Variants in VCAN observed in about 807,000 individuals in gnomAD.
VCAN encodes versican core protein.
VCAN carries 44 observed loss-of-function variants against 245.5 expected under a neutral mutation model. That is an observed-to-expected ratio of 0.18 (90% CI 0.14 to 0.23). The LOEUF (loss-of-function observed/expected upper bound fraction) is 0.23, where lower values mean the gene tolerates loss of function less well. Ranked by LOEUF, VCAN falls within the 10% of genes least tolerant of loss-of-function variation. The pLI is 1.00. For missense variants in VCAN, 3,793 were observed against 4,057.9 expected (o/e 0.93, Z 1.77); for synonymous variants, 1,413 against 1,437.0 (o/e 0.98, Z 0.38).
At chr5:83,504,477 G>C (rs1745424630) in intron 5 of VCAN, among the ~76,000 whole-genome samples, 1 of 151,672 alleles carries the variant, frequency 6.6e-6, no homozygotes, top group Non-Finnish European at 1.5e-5. Flanking sequence ...CTGCCTCCTG[G>C]GTTCAAGCGA....
At chr5:83,543,390 T>C (rs938658360) in intron 8 of VCAN, among the ~76,000 whole-genome samples, 30 of 152,224 alleles carry the variant, frequency 2.0e-4, no homozygotes, top group African/African-American at 7.0e-4. Flanking sequence ...AATATATGTT[T>C]TATTTTAATA....
At chr5:83,508,756 C>CT (rs1745557003) in intron 5 of VCAN, among the ~76,000 whole-genome samples, 1 of 152,104 alleles carries the variant, frequency 6.6e-6, no homozygotes, top group Non-Finnish European at 1.5e-5. Flanking sequence ...TTAAATCTTC[C>CT]TTTTTTTCAT....
At chr5:83,532,260 G>A (rs935227436) in intron 7 of VCAN, among the ~76,000 whole-genome samples, 1 of 152,044 alleles carries the variant, frequency 6.6e-6, no homozygotes, top group Non-Finnish European at 1.5e-5. Context: ...GGTGGTGACA[G>A]GAAATGGGGA....
rs1437055663 is a variant in VCAN, at chr5:83,493,826, G to A, written c.643G>A (p.Val215Ile). The change falls in exon 5 of 15, where the codon GTA becomes ATA. Residue 215 changes from valine (V) to isoleucine (I), a missense_variant. Coordinates refer to ENST00000265077, the MANE Select transcript of VCAN (RefSeq NM_004385.5). Reference sequence around the variant, plus strand: ...CAGATATCCCATCCGGGCTCCCAGAGTAGGCTGTTATGGAGATAAGATGGG... The same window carrying A: ...CAGATATCCCATCCGGGCTCCCAGAATAGGCTGTTATGGAGATAAGATGGG... ...TVRYPIRAPR[V>I]GCYGDKMGKA... 6.2e-7 allele frequency: 1 copy of A among 1,614,148 alleles called. No individual in the cohort carries two copies. Among genetic ancestry groups the A allele is most frequent in the Admixed American group, 1.7e-5 (1 of 60,024 alleles).
chr5:83,550,931 CTTTG>C (rs1181494494), intron 10 of VCAN, among the ~76,000 whole-genome samples: 1 of 110,724 alleles, frequency 9.0e-6, no homozygotes, highest in Non-Finnish European at 1.9e-5. Context: ...GGATAGTTGG[CTTTG>C]TTTTTTTTTT....
intron 12 of VCAN, among the ~76,000 whole-genome samples, chr5:83,559,503 G>C (rs1431966715): frequency 2.0e-5 from 3 of 152,090 alleles, no homozygotes; most frequent in African/African-American, 4.8e-5. Context: ...TCTCACTCCT[G>C]GGCGGCTTTG....
chr5:83,553,188 A>G (rs949310672), intron 10 of VCAN, among the ~76,000 whole-genome samples, 176 bp from the exon 11 acceptor site: 2 of 152,218 alleles, frequency 1.3e-5, no homozygotes, highest in Non-Finnish European at 2.9e-5. Flanking sequence ...CTTGGCACGA[A>G]TCAGTTGGGC....
chr5:83,540,813 G>A lies in VCAN; in HGVS notation c.7810G>A (p.Glu2604Lys), dbSNP rs761781175. The A allele has an allele frequency of 6.2e-7, 1 of 1,613,826 alleles. No homozygotes were observed. Among genetic ancestry groups the A allele is most frequent in the African/African-American group, 1.3e-5 (1 of 74,904 alleles). ...AGATATAGATACAGAGGTACCATCA[G>A]AACCACATGACAGTAATGATGAAAG... ...QTDIDTEVPS[E>K]PHDSNDESND... Residue 2604 changes from glutamate to lysine, a missense_variant, in exon 8 of 15, where the codon GAA (glutamate) becomes AAA (lysine). This residue lies in a region of VCAN where 3,182 missense variants were observed against 3,250.3 expected (regional missense o/e 0.98). Coordinates refer to ENST00000265077, the MANE Select transcript of VCAN (RefSeq NM_004385.5).
chr5:83,529,222 TAGAA>T (rs774089227), intron 7 of VCAN, among the ~76,000 whole-genome samples: 1 of 151,568 alleles, frequency 6.6e-6, no homozygotes, highest in Non-Finnish European at 1.5e-5. Flanking sequence ...GTTATTGTGA[TAGAA>T]AGAGCCTTTG....
At position 83,539,818 on chromosome 5, in the gene VCAN, A is replaced by G; in HGVS notation, c.6815A>G (p.Asn2272Ser). ...VLPTLPTESV[N>S]FTEVEQINNT... ...CCTACTCTACCAACAGAGTCAGTGAATTTTACTGAAGTGGAACAAATCAAT... is the reference window on the plus strand; with the variant it reads ...CCTACTCTACCAACAGAGTCAGTGAGTTTTACTGAAGTGGAACAAATCAAT... Residue 2272 changes from asparagine (N) to serine (S), a missense_variant, in exon 8 of 15, where the codon AAT (asparagine) becomes AGT (serine). Coordinates refer to ENST00000265077, the MANE Select transcript of VCAN (RefSeq NM_004385.5). The G allele has an allele frequency of 6.2e-7, 1 of 1,614,058 alleles. No homozygotes were observed. The highest frequency in any genetic ancestry group is 8.5e-7 in the Non-Finnish European group (1 of 1,180,008).
At chr5:83,504,905 G>A (rs947975660) in intron 5 of VCAN, among the ~76,000 whole-genome samples, 1 of 151,992 alleles carries the variant, frequency 6.6e-6, no homozygotes, top group Non-Finnish European at 1.5e-5. Flanking sequence ...GAGGTGAAGG[G>A]GACTACTTAG....
At chr5:83,542,297 T>C in intron 8 of VCAN, 29 bp downstream of exon 8, 4 of 1,604,106 alleles carry the variant, frequency 2.5e-6, no homozygotes, top group Non-Finnish European at 3.4e-6. Flanking sequence ...TAAATCTGTT[T>C]CCAAACCTGG....
Position 83,540,195 on chromosome 5 carries a change from T to C in VCAN, c.7192T>C (p.Ser2398Pro). 6.2e-7 allele frequency: 1 copy of C among 1,614,028 alleles called. No individual in the cohort carries two copies. The highest frequency in any genetic ancestry group is 8.5e-7 in the Non-Finnish European group (1 of 1,179,982). ...TAEINETTTS[S>P]TDFLARAYGF... ...AGAAATTAACGAAACAACAACCTCA[T>C]CTACTGATTTTCTGGCTAGAGCTTA... Residue 2398 changes from serine to proline, a missense_variant, in exon 8 of 15, where the codon TCT becomes CCT. Coordinates refer to ENST00000265077, the MANE Select transcript of VCAN (RefSeq NM_004385.5).
At chr5:83,498,365 A>G (rs149723117) in intron 5 of VCAN, among the ~76,000 whole-genome samples, 159 of 152,306 alleles carry the variant, frequency 1.0e-3, no homozygotes, top group African/African-American at 3.6e-3. Context: ...TGTATGCCCA[A>G]TATGTCCTTA....
chr5:83,528,021 G>A (rs1049296376), intron 7 of VCAN, among the ~76,000 whole-genome samples: 3 of 152,136 alleles, frequency 2.0e-5, no homozygotes, highest in East Asian at 3.8e-4. Flanking sequence ...AATTACCTTC[G>A]GGTAAAGCTA....
At chr5:83,573,320 C>A (rs1354463363) in intron 13 of VCAN, among the ~76,000 whole-genome samples, 1 of 151,870 alleles carries the variant, frequency 6.6e-6, no homozygotes, top group Non-Finnish European at 1.5e-5. Flanking sequence ...GACCTGGTAC[C>A]ATGTGGCCCA....
In VCAN at chr5:83,539,269, C is replaced by T. The variant is rs1746862451; in HGVS notation, c.6266C>T (p.Pro2089Leu). The part of the protein sequence containing the change: ...KVSGTVSTNF[P>L]QTIEPAKLWS... ...AGTGGCACAGTTTCAACAAACTTTC[C>T]CCAAACTATAGAGCCAGCCAAATTA... is the stretch of plus-strand genomic sequence containing the variant. Residue 2089 changes from proline (P) to leucine (L), a missense_variant, in exon 8 of 15, where the codon CCC (proline) becomes CTC (leucine). Transcript: ENST00000265077. 6.2e-7 allele frequency: 1 copy of T among 1,614,000 alleles called. No individual in the cohort carries two copies. The highest frequency in any genetic ancestry group is 8.5e-7 in the Non-Finnish European group (1 of 1,179,962).
rs531396559 is a variant in VCAN at position 83,474,634 on chromosome 5, C to T, written c.-7+2611C>T. 6.6e-5 allele frequency among the ~76,000 whole-genome samples: 10 copies of T among 152,274 alleles called. No individual in the cohort carries two copies. In the East Asian group the frequency reaches 1.8e-3, roughly 27 times the overall value. ...TCCCAGCCGAGACGGGTGTGACTTC[C>T]TGGGCTCAGAGACTGCAGTACAGCC... On this transcript the variant is annotated intron_variant, in intron 1 of 14. Coordinates refer to ENST00000265077, the MANE Select transcript of VCAN (RefSeq NM_004385.5).
chr5:83,539,741 G>T lies in VCAN; in HGVS notation c.6738G>T (p.Glu2246Asp), dbSNP rs763147372. The T allele has an allele frequency of 6.2e-7, 1 of 1,613,724 alleles. No homozygotes were observed. The highest frequency in any genetic ancestry group is 8.5e-7 in the Non-Finnish European group (1 of 1,179,990). The change falls in exon 8 of 15, where the codon GAG (glutamate) becomes GAT (aspartate). Residue 2246 changes from glutamate (E) to aspartate (D), a missense_variant. Glu to Asp is a conservative substitution (Grantham distance 45, BLOSUM62 2). Transcript: ENST00000265077. ...FPKGMRPTIQ[E>D]SDTELLFSGL... ...AAGGCATGAGACCAACAATTCAAGA[G>T]TCAGATACTGAGCTCTTATTCTCTG... is the stretch of plus-strand genomic sequence containing the variant.
Sources: gnomAD v4.1 joint callset for allele counts (sites outside exome capture counted in the v4.1 genomes callset) on GRCh38, gnomAD v4.1.1 for gene constraint, gnomAD v4.1.1 regional missense constraint, MANE v1.5 for transcripts, NCBI Gene and HGNC (gene_info 2026-07-23, HGNC 2026-07-21) for gene names.